TLCD4: variants seen among roughly 807,000 people sequenced by gnomAD.
TLCD4 encodes TLC domain containing 4, also known as TLC domain-containing protein 4.
A neutral mutation model predicts 24.2 loss-of-function variants in TLCD4; 7 were observed. The observed-to-expected ratio is 0.29, with a 90% CI of 0.16 to 0.54. The LOEUF (loss-of-function observed/expected upper bound fraction) is 0.54. Among genes scored for constraint, TLCD4 ranks in the 20% least tolerant of loss-of-function variants. The pLI is 0.95. For synonymous variants in TLCD4, 103 were observed against 106.4 expected (o/e 0.97, Z 0.20); for missense variants, 259 against 313.9 (o/e 0.82, Z 1.32).
At chr1:95,143,266 T>A (rs1374157940) in intron 1 of TLCD4, among the ~76,000 whole-genome samples, 2 of 152,166 alleles carry the variant, frequency 1.3e-5, no homozygotes, top group Admixed American at 1.3e-4. Context: ...GAAGTCAGTA[T>A]GAATCGGCCT....
chr1:95,120,676 G>A (rs976608432), intron 1 of TLCD4, among the ~76,000 whole-genome samples: 1 of 152,182 alleles, frequency 6.6e-6, no homozygotes, highest in Non-Finnish European at 1.5e-5. Flanking sequence ...TATCATGGGT[G>A]GAGTTTGAGT....
chr1:95,137,752 T>C (rs550946785), intron 1 of TLCD4, among the ~76,000 whole-genome samples: 1 of 146,242 alleles, frequency 6.8e-6, no homozygotes, highest in East Asian at 2.2e-4. Context: ...TCTTTTTTTC[T>C]GAAACAGCGT....
chr1:95,155,986 T>C lies in TLCD4; in HGVS notation c.399+4567T>C, dbSNP rs142383369. On this transcript the variant is annotated intron_variant, in intron 5 of 6. Transcript: ENST00000370203. Reference sequence around the variant, plus strand: ...AGTAATTTAAGGAATGGAAAGATCATTGTGTTAATTTCTGTTAATTTTTCT... The same window carrying C: ...AGTAATTTAAGGAATGGAAAGATCACTGTGTTAATTTCTGTTAATTTTTCT... Among the ~76,000 whole-genome samples the C allele has an allele frequency of 3.1e-3, 468 of 152,174 alleles. 4 individuals are homozygous for C. The highest frequency in any genetic ancestry group is 0.011 in the African/African-American group (453 of 41,532).
In TLCD4 at chr1:95,119,325, C is replaced by T. The variant is rs148519546; in HGVS notation, c.-12+1708C>T. 6.1e-3 allele frequency among the ~76,000 whole-genome samples: 931 copies of T among 152,242 alleles called. 6 individuals carry two copies. Among genetic ancestry groups the T allele is most frequent in the African/African-American group, 0.021 (857 of 41,528 alleles). On this transcript the variant is annotated intron_variant, in intron 1 of 6. Coordinates refer to ENST00000370203, the MANE Select transcript of TLCD4 (RefSeq NM_152487.3). ...TTTCCTTGATTTTCTGAAATCTCCA[C>T]TGGGTAAATTCATCTGATTGCCAAG...
intron 1 of TLCD4, among the ~76,000 whole-genome samples, chr1:95,139,024 C>CAAAAA (rs1181312045): frequency 3.5e-5 from 2 of 56,850 alleles, no homozygotes; most frequent in Admixed American, 1.9e-4. Flanking sequence ...CCAGTCTCTA[C>CAAAAA]AAAAAAAAAA....
At chr1:95,116,959 G>A (rs553219854), upstream of TLCD4, among the ~76,000 whole-genome samples, 57 of 152,324 alleles carry the variant, frequency 3.7e-4, no homozygotes, top group Middle Eastern at 0.01. Flanking sequence ...ACCAGCAGTT[G>A]CCTTTTCATC....
intron 6 of TLCD4, 88 bp downstream of exon 6, chr1:95,173,977 T>C: frequency 6.5e-7 from 1 of 1,544,338 alleles, no homozygotes; most frequent in Non-Finnish European, 8.9e-7. Flanking sequence ...CTCAAGTTAC[T>C]ATATAAAAGA....
At chr1:95,148,592 G>GT (rs758035843) in intron 2 of TLCD4, 110 bp from the exon 3 acceptor site, 86 of 1,444,586 alleles carry the variant, frequency 6.0e-5, no homozygotes, top group Non-Finnish European at 7.8e-5. Context: ...CTTCACACCT[G>GT]TATATAAATG....
chr1:95,134,587 G>A (rs1329430090), intron 1 of TLCD4, among the ~76,000 whole-genome samples: 2 of 152,206 alleles, frequency 1.3e-5, no homozygotes, highest in African/African-American at 4.8e-5. Flanking sequence ...GAGGAAGGTT[G>A]TGGGAGGTGG....
chr1:95,160,114 G>A (rs187810030), intron 5 of TLCD4, among the ~76,000 whole-genome samples: 355 of 152,268 alleles, frequency 2.3e-3, no homozygotes, highest in African/African-American at 8.1e-3. Context: ...CCATTTTCAC[G>A]ATATTGATTC....
intron 1 of TLCD4, among the ~76,000 whole-genome samples, chr1:95,127,992 T>C (rs924800605): frequency 2.6e-5 from 4 of 152,184 alleles, no homozygotes; most frequent in Non-Finnish European, 5.9e-5. Context: ...TAGTCCCAGA[T>C]ACTAGGGAGG....
intron 6 of TLCD4, among the ~76,000 whole-genome samples, chr1:95,181,105 A>C (rs957492931): frequency 2.0e-5 from 3 of 152,206 alleles, no homozygotes; most frequent in African/African-American, 4.8e-5. Context: ...TCAGAAAAAA[A>C]CAAAAAATTA....
At chr1:95,169,895 A>G (rs1311225598) in intron 5 of TLCD4, among the ~76,000 whole-genome samples, 1 of 152,190 alleles carries the variant, frequency 6.6e-6, no homozygotes, top group African/African-American at 2.4e-5. Flanking sequence ...TTGCTGCTAT[A>G]GTATTTTGAT....
At chr1:95,116,617 T>C (rs950695032), upstream of TLCD4, among the ~76,000 whole-genome samples, 2 of 152,232 alleles carry the variant, frequency 1.3e-5, no homozygotes, top group African/African-American at 4.8e-5. Flanking sequence ...GACAATTATC[T>C]CTGGTTGATG....
At position 95,194,573 on chromosome 1, in the gene TLCD4, GAA is replaced by G. The variant is rs1187239550; in HGVS notation, c.*2709_*2710del. The G allele has an allele frequency of 2.6e-5, 4 of 151,950 alleles. No homozygotes were observed. The highest frequency in any genetic ancestry group is 4.8e-5 in the African/African-American group (2 of 41,384). The allele number at this position is 151,950 out of a possible 1,614,324, so 9.4% of individuals were successfully genotyped here. A position where few individuals can be genotyped will look rare whatever the true frequency, so the allele number is the denominator to read the frequency against. On this transcript the variant is annotated 3_prime_UTR_variant, in exon 7 of 7. Transcript: ENST00000370203. ...TAACAACTCTATTAAAATATTTATAGAAAAATAAAAGCAAATTGATATAAATT... is the reference window on the plus strand; with the variant it reads ...TAACAACTCTATTAAAATATTTATAGAAATAAAAGCAAATTGATATAAATT...
upstream of TLCD4, among the ~76,000 whole-genome samples, chr1:95,115,328 G>A (rs886828716): frequency 1.3e-5 from 2 of 151,924 alleles, no homozygotes; most frequent in Admixed American, 6.6e-5. Flanking sequence ...GGCTGGTCTC[G>A]AACTCTCAAC....
At chr1:95,168,502 A>G (rs1274381457) in intron 5 of TLCD4, among the ~76,000 whole-genome samples, 1 of 147,840 alleles carries the variant, frequency 6.8e-6, no homozygotes, top group African/African-American at 2.5e-5. Context: ...TCTTTATGAG[A>G]TTAAAATCTG....
At chr1:95,117,209 G>C (rs1162710272), upstream of TLCD4, 1 of 152,212 alleles carries the variant, frequency 6.6e-6, no homozygotes, top group South Asian at 2.1e-4. Context: ...GCGACTTCGG[G>C]TGTTAGGGTT....
the TLCD4 span, among the ~76,000 whole-genome samples, chr1:95,093,395 A>G: frequency 6.6e-6 from 1 of 152,136 alleles, no homozygotes; most frequent in African/African-American, 2.4e-5. Context: ...AACCTTGCAT[A>G]TTGGGTTGAA....
Sources: allele counts gnomAD v4.1 joint callset (sites outside exome capture counted in the v4.1 genomes callset), GRCh38; gene constraint gnomAD v4.1.1; transcripts MANE v1.5; gene names NCBI Gene and HGNC (gene_info 2026-07-23, HGNC 2026-07-21).